Variants in FAT1 observed in about 807,000 individuals in gnomAD.
FAT1 encodes the protein protocadherin Fat 1.
FAT1 carries 171 observed loss-of-function variants against 329.8 expected under a neutral mutation model. The ratio of observed to expected loss-of-function variants is 0.52; its 90% CI spans 0.46 to 0.59. The LOEUF (loss-of-function observed/expected upper bound fraction) is 0.59, where lower values mean the gene tolerates loss of function less well. Ranked by LOEUF, FAT1 falls within the 20% of genes least tolerant of loss-of-function variation. The pLI, the probability that FAT1 is intolerant of heterozygous loss-of-function variation, is 0.00. For missense variants in FAT1, 5,672 were observed against 5,774.4 expected (o/e 0.98, Z 0.57); for synonymous variants, 2,233 against 2,228.6 (o/e 1.00, Z -0.06).
intron 3 of FAT1, among the ~76,000 whole-genome samples, chr4:186,651,042 A>ACTATTATTAAATTATTTAT (rs1553993898): frequency 1.5e-4 from 22 of 147,326 alleles, no homozygotes; most frequent in Admixed American, 2.7e-4. Context: ...TAATTTATTT[A>ACTATTATTAAATTATTTAT]CTATTATTAA....
At chr4:186,721,234 A>G (rs150322081) in intron 1 of FAT1, among the ~76,000 whole-genome samples, 128 of 152,202 alleles carry the variant, frequency 8.4e-4, no homozygotes, top group African/African-American at 3.0e-3. Context: ...TAAATCTGGG[A>G]CTTACAGTAA....
intron 3 of FAT1, among the ~76,000 whole-genome samples, chr4:186,645,687 C>A (rs1741339483): frequency 1.3e-5 from 2 of 151,368 alleles, no homozygotes; most frequent in African/African-American, 4.9e-5. Flanking sequence ...AAATGGATGG[C>A]ATAATCCCAG....
intron 3 of FAT1, among the ~76,000 whole-genome samples, chr4:186,652,462 C>T (rs748317918): frequency 6.6e-6 from 1 of 152,170 alleles, no homozygotes. Flanking sequence ...TTGTCATCAT[C>T]AACATCGGCA....
rs141298894 is a variant in FAT1, at chr4:186,601,317, C to A, written c.11592G>T (p.Thr3864=). The A allele has an allele frequency of 1.7e-3, 2,744 of 1,611,614 alleles. 38 individuals carry two copies. In the African/African-American group the frequency reaches 0.029, roughly 17 times the overall value. The change falls in exon 21 of 27, where the codon ACG becomes ACT. Residue 3864 remains threonine, a synonymous_variant. Transcript: ENST00000441802. The part of the protein sequence containing the change: ...KLTMRLRTYS[T]HAVVMYARGT... Reference sequence around the variant, plus strand: ...CTCGAGCATACATGACAACCGCATGCGTGGAATATGTTCTGAGCCTCATGG... The same window carrying A: ...CTCGAGCATACATGACAACCGCATGAGTGGAATATGTTCTGAGCCTCATGG...
At chr4:186,631,339 T>C (rs1325108856) in intron 7 of FAT1, among the ~76,000 whole-genome samples, 1 of 151,630 alleles carries the variant, frequency 6.6e-6, no homozygotes, top group East Asian at 1.9e-4. Flanking sequence ...ACTGCCCAGC[T>C]GACTCCTCTG....
chr4:186,655,990 A>G (rs1352049089), intron 3 of FAT1, among the ~76,000 whole-genome samples: 1 of 152,246 alleles, frequency 6.6e-6, no homozygotes, highest in African/African-American at 2.4e-5. Context: ...TACTTCCCCA[A>G]GAGGAGGCCA....
At chr4:186,675,718 G>C (rs1579431315) in intron 2 of FAT1, among the ~76,000 whole-genome samples, 1 of 151,152 alleles carries the variant, frequency 6.6e-6, no homozygotes, top group Non-Finnish European at 1.5e-5. Context: ...TTCCAGCCCA[G>C]GTGACAGAGT....
In FAT1 at chr4:186,619,662, G is replaced by A. The variant is rs747992421; in HGVS notation, c.6924C>T (p.Thr2308=). The A allele has an allele frequency of 2.7e-5, 43 of 1,613,802 alleles. No homozygotes were observed. Among genetic ancestry groups the A allele is most frequent in the Admixed American group, 2.0e-4 (12 of 59,996 alleles). Residue 2308 remains threonine, a synonymous_variant, in exon 10 of 27, where the codon ACC becomes ACT. Transcript: ENST00000441802. ...IGTSVVQVRA[T]DSDSEPNRGI... is the part of the protein sequence containing the mutation. ...CTCTATTTGGTTCTGAATCAGAATC[G>A]GTGGCTCTAACTTGAACAACAGACG...
chr4:186,635,694 G>A (rs750192099), intron 6 of FAT1, among the ~76,000 whole-genome samples: 1 of 152,152 alleles, frequency 6.6e-6, no homozygotes, highest in Non-Finnish European at 1.5e-5. Context: ...TGTGCCATAG[G>A]TTATGCATCA....
chr4:186,631,422 C>T (rs56390503), intron 7 of FAT1, among the ~76,000 whole-genome samples: 18,569 of 147,732 alleles, frequency 0.13, 1,428 homozygotes, highest in East Asian at 0.37. Context: ...AATCCATCCC[C>T]GCGGTATCCT....
Position 186,589,199 on chromosome 4 carries a change from T to C in FAT1, c.13160A>G (p.Asp4387Gly). The change falls in exon 27 of 27, where the codon GAT becomes GGT. Residue 4387 changes from aspartate (D) to glycine (G), a missense_variant. Asp to Gly is a moderately conservative substitution (Grantham distance 94). Transcript: ENST00000441802. ...DDNGYHWDTS[D>G]WMPSVPLPDI... The stretch of plus-strand genomic sequence containing the variant: ...CGGCAGAGGAACGCTTGGCATCCAA[T>C]CTGATGTATCCCAGTGATACCCTTG... 1 of 1,612,808 alleles carries C rather than the reference T, an allele frequency of 6.2e-7. No homozygotes were observed. The highest frequency in any genetic ancestry group is 8.5e-7 in the Non-Finnish European group (1 of 1,179,344).
In FAT1 at chr4:186,711,879, C is replaced by G. The variant is rs370301887; in HGVS notation, c.-18-2034G>C. On this transcript the variant is annotated intron_variant, in intron 1 of 26. Transcript: ENST00000441802. Reference sequence around the variant, plus strand: ...AGATTGCAGTGAGCCGAGATCGCGCCACTGCACTCCAGCCTGGGCAACAGA... The same window carrying G: ...AGATTGCAGTGAGCCGAGATCGCGCGACTGCACTCCAGCCTGGGCAACAGA... 3.3e-5 allele frequency among the ~76,000 whole-genome samples: 5 copies of G among 152,276 alleles called. No individual in the cohort carries two copies. In the South Asian group the frequency reaches 6.2e-4, roughly 19 times the overall value.
At position 186,610,744 on chromosome 4, in the gene FAT1, T is replaced by TTTATATAAATATAAATTTATATAAA. The variant is rs1579315904; in HGVS notation, c.9853+641_9853+642insTTTATATAAATTTATATTTATATAA. 9.4e-5 allele frequency among the ~76,000 whole-genome samples: 13 copies of TTTATATAAATATAAATTTATATAAA among 138,006 alleles called. No homozygotes were observed. The South Asian group carries it at 2.6e-3, about 28-fold the overall frequency. The allele number at this position is 138,006 out of a possible 152,430, so 90.5% of individuals were successfully genotyped here. ...TTTATATAAATATAAATTTATATAATTTATATAAATATAAATTTGAATGGA... is the reference window on the plus strand; with the variant it reads ...TTTATATAAATATAAATTTATATAATTTATATAAATATAAATTTATATAAATTATATAAATATAAATTTGAATGGA... On this transcript the variant is annotated intron_variant, in intron 14 of 26. Transcript: ENST00000441802.
At chr4:186,597,194 G>C in intron 24 of FAT1, 23 bp from the exon 25 acceptor site, 3 of 1,575,366 alleles carry the variant, frequency 1.9e-6, no homozygotes, top group Non-Finnish European at 2.6e-6. Flanking sequence ...TCAGGAATGA[G>C]GAGAGACCTC....
chr4:186,643,634 C>T (rs988384679), intron 3 of FAT1, among the ~76,000 whole-genome samples: 16 of 152,064 alleles, frequency 1.1e-4, no homozygotes, highest in Non-Finnish European at 2.2e-4. Context: ...TTTCGAGGTG[C>T]GCTTTACCTT....
chr4:186,649,610 C>T (rs1385182324), intron 3 of FAT1, among the ~76,000 whole-genome samples: 5 of 152,110 alleles, frequency 3.3e-5, no homozygotes, highest in Admixed American at 6.5e-5. Context: ...GGAGTGGTTC[C>T]GTCACAAGCC....
Position 186,619,374 on chromosome 4 carries a change from A to G in FAT1, c.7212T>C (p.Pro2404=), listed in dbSNP as rs1349707427. 16 of 1,613,880 alleles carry G rather than the reference A, an allele frequency of 9.9e-6. No individual in the cohort carries two copies. Among genetic ancestry groups the G allele is most frequent in the Non-Finnish European group, 1.3e-5 (15 of 1,179,896 alleles). ...TTACACAGGTCACGAAATGCCCATG[A>G]GGGGCGTGCTCGCTAATTCTGGCTT... ...IYEARISEHA[P]HGHFVTCVKA... Residue 2404 remains proline, a synonymous_variant, in exon 10 of 27, where the codon CCT becomes CCC. Transcript: ENST00000441802.
Position 186,599,966 on chromosome 4 carries a change from G to A in FAT1, c.12035C>T (p.Thr4012Met), listed in dbSNP as rs752997628. The A allele has an allele frequency of 8.7e-6, 14 of 1,613,876 alleles. No individual in the cohort carries two copies. Among genetic ancestry groups the A allele is most frequent in the Admixed American group, 3.3e-5 (2 of 60,006 alleles). ...SVDVSPGCFL[T>M]ATEDCASNPC... ...GTTGCTGGCGCAGTCTTCCGTGGCC[G>A]TCAGGAAGCAGCCTGGAGATACATC... is the stretch of plus-strand genomic sequence containing the variant. Residue 4012 changes from threonine (T) to methionine (M), a missense_variant, in exon 22 of 27, where the codon ACG (threonine) becomes ATG (methionine). Thr to Met is a moderately conservative substitution (Grantham distance 81). Transcript: ENST00000441802.
rs199507367 is a variant in FAT1 at position 186,621,634 on chromosome 4, G to T, written c.4952C>A (p.Thr1651Asn). 6.2e-7 allele frequency: 1 copy of T among 1,614,030 alleles called. No homozygotes were observed. Among genetic ancestry groups the T allele is most frequent in the South Asian group, 1.1e-5 (1 of 91,086 alleles). Residue 1651 changes from threonine to asparagine, a missense_variant, in exon 10 of 27, where the codon ACT becomes AAT. Thr to Asn is a moderately conservative substitution (Grantham distance 65). Transcript: ENST00000441802. ...DKGSPPMSEI[T>N]SVRIFVTIAD... is the part of the protein sequence containing the mutation. ...AATTGTGACAAAGATACGCACAGAA[G>T]TTATTTCACTCATTGGTGGACTGCC...
Sources: gnomAD v4.1 joint callset for allele counts (sites outside exome capture counted in the v4.1 genomes callset) on GRCh38, gnomAD v4.1.1 for gene constraint, MANE v1.5 for transcripts, NCBI Gene and HGNC (gene_info 2026-07-23, HGNC 2026-07-21) for gene names.